Variants in RAI1 observed in about 807,000 individuals in gnomAD.
RAI1 encodes the protein retinoic acid-induced protein 1.
A neutral mutation model predicts 123.8 loss-of-function variants in RAI1; 9 were observed. That is an observed-to-expected ratio of 0.07 (90% CI 0.04 to 0.13). RAI1 has a LOEUF of 0.13. Ranked by LOEUF, RAI1 falls within the 10% of genes least tolerant of loss-of-function variation. RAI1 has a pLI of 1.00. For missense variants in RAI1, 2,256 were observed against 2,545.8 expected, an observed-to-expected ratio of 0.89 and a Z score of 2.45; for synonymous variants, 1,231 against 1,127.3, an observed-to-expected ratio of 1.09 and a Z score of -1.84.
At chr17:17,702,750 G>C (rs1915267054) in intron 1 of RAI1, among the ~76,000 whole-genome samples, 1 of 152,204 alleles carries the variant, frequency 6.6e-6, no homozygotes, top group Non-Finnish European at 1.5e-5. Context: ...TTGGTATCCA[G>C]TAGTTTATCA....
intron 2 of RAI1, among the ~76,000 whole-genome samples, chr17:17,756,472 C>G (rs548544768): frequency 1.3e-5 from 2 of 152,194 alleles, no homozygotes; most frequent in African/African-American, 4.8e-5. Context: ...GCTGGGATTA[C>G]AGGTGTGAGC....
intron 2 of RAI1, among the ~76,000 whole-genome samples, chr17:17,757,181 A>G (rs2030471751): frequency 6.6e-6 from 1 of 152,132 alleles, no homozygotes; most frequent in Non-Finnish European, 1.5e-5. Flanking sequence ...ACCCCAGTTT[A>G]TAAGTGGGGA....
rs754678029 is a variant in RAI1 at position 17,798,106 on chromosome 17, AAGG to A, written c.5161_5163del (p.Glu1721del). On this transcript the variant is annotated inframe_deletion, in exon 3 of 6. Transcript: ENST00000353383. ...CCTCCCCAAAAAGAAGCCAAAACTC[AAGG>A]AGAAGGTGCGGCCAGAAGGCACCTG... 6.2e-7 allele frequency: 1 copy of A among 1,613,898 alleles called. No homozygotes were observed. Among genetic ancestry groups the A allele is most frequent in the African/African-American group, 1.3e-5 (1 of 75,030 alleles).
rs572273520 is a variant in RAI1, at chr17:17,740,479, A to G, written c.-17+16320A>G. Among the ~76,000 whole-genome samples, 8 of 152,342 alleles carry G rather than the reference A, an allele frequency of 5.3e-5. No homozygotes were observed. The South Asian group carries it at 1.7e-3, about 32-fold the overall frequency. ...GTGGTTCATCTGCTCTGAGCCCTAA[A>G]GAGGACCAGGTGGGAAAGAGGCCTG... On this transcript the variant is annotated intron_variant, in intron 2 of 5. Coordinates refer to ENST00000353383, the MANE Select transcript of RAI1 (RefSeq NM_030665.4).
At chr17:17,684,036 G>A (rs929861857) in intron 1 of RAI1, 1 of 152,074 alleles carries the variant, frequency 6.6e-6, no homozygotes, top group Non-Finnish European at 1.5e-5. Flanking sequence ...ACCACACGTA[G>A]CTAATTTTAA....
intron 2 of RAI1, among the ~76,000 whole-genome samples, chr17:17,739,961 C>T (rs527600126): frequency 3.3e-5 from 5 of 152,346 alleles, no homozygotes; most frequent in South Asian, 2.1e-4. Flanking sequence ...TGACTCACCG[C>T]GTGGCAGCTC....
Position 17,809,901 on chromosome 17 carries a change from C to G in RAI1, c.5710-69C>G. ...CTGGGGCTTAGGCGGGGGGCCCACACTGGGGGCGGGGCCTATGGACTGTGA... is the reference window on the plus strand; with the variant it reads ...CTGGGGCTTAGGCGGGGGGCCCACAGTGGGGGCGGGGCCTATGGACTGTGA... On this transcript the variant is annotated intron_variant, in intron 5 of 5. Coordinates refer to ENST00000353383, the MANE Select transcript of RAI1 (RefSeq NM_030665.4). The surrounding 1 kb of genome is among the most constrained non-coding windows in gnomAD (Gnocchi z 4.9). 6.5e-7 allele frequency: 1 copy of G among 1,548,286 alleles called. No homozygotes were observed. Among genetic ancestry groups the G allele is most frequent in the East Asian group, 2.4e-5 (1 of 41,096 alleles).
At chr17:17,781,805 T>C (rs1247995246) in intron 2 of RAI1, among the ~76,000 whole-genome samples, 1 of 151,988 alleles carries the variant, frequency 6.6e-6, no homozygotes, top group African/African-American at 2.4e-5. Context: ...GGGAGGGAAC[T>C]GGAAATGGGG....
chr17:17,726,850 G>T (rs1425841734), intron 2 of RAI1, among the ~76,000 whole-genome samples: 1 of 152,076 alleles, frequency 6.6e-6, no homozygotes, highest in Admixed American at 6.5e-5. Flanking sequence ...TAAAGACTTT[G>T]TCGTCATTCT....
intron 1 of RAI1, among the ~76,000 whole-genome samples, chr17:17,710,403 G>T (rs1440082228): frequency 6.6e-6 from 1 of 152,296 alleles, no homozygotes; most frequent in African/African-American, 2.4e-5. Context: ...TTGCAGCTGC[G>T]GCCATGAGGA....
intron 2 of RAI1, among the ~76,000 whole-genome samples, chr17:17,780,521 C>A (rs1197296461): frequency 6.6e-6 from 1 of 152,214 alleles, no homozygotes; most frequent in Non-Finnish European, 1.5e-5. Context: ...CCCCTCAGGG[C>A]CTAGGACAGG....
chr17:17,688,738 T>C (rs911026331), intron 1 of RAI1, among the ~76,000 whole-genome samples: 4 of 151,890 alleles, frequency 2.6e-5, no homozygotes, highest in Non-Finnish European at 5.9e-5. Context: ...TAGCTGGGAC[T>C]ACAGGTGTGC....
chr17:17,784,636 C>T lies in RAI1; in HGVS notation c.-16-8297C>T, dbSNP rs117504482. Among the ~76,000 whole-genome samples, 874 of 152,270 alleles carry T rather than the reference C, an allele frequency of 5.7e-3. 3 individuals carry two copies. Among genetic ancestry groups the T allele is most frequent in the Middle Eastern group, 0.014 (4 of 294 alleles). ...CAGGAGAGGGGGGGTGTAGGCAGCA[C>T]CACGTAGAAGCAAGCCGGAGACCCC... is the stretch of plus-strand genomic sequence containing the variant. On this transcript the variant is annotated intron_variant, in intron 2 of 5. Coordinates refer to ENST00000353383, the MANE Select transcript of RAI1 (RefSeq NM_030665.4).
At position 17,810,077 on chromosome 17, in the gene RAI1, C is replaced by T; in HGVS notation, c.*96C>T. ...CCTGCGCAGCCCCCGGGCCTTTGAG[C>T]TGCTCCCAGCGCTGGTCCAGAGCCG... On this transcript the variant is annotated 3_prime_UTR_variant, in exon 6 of 6. Transcript: ENST00000353383. The surrounding 1 kb of genome is among the most constrained non-coding windows in gnomAD (Gnocchi z 4.6). 3 of 1,478,924 alleles carry T rather than the reference C, an allele frequency of 2.0e-6. No individual in the cohort carries two copies. Among genetic ancestry groups the T allele is most frequent in the Non-Finnish European group, 2.7e-6 (3 of 1,098,720 alleles). 91.6% of individuals were successfully genotyped at this position (1,478,924 alleles called of 1,614,324 possible). A position where few individuals can be genotyped will look rare whatever the true frequency, so the allele number is the denominator to read the frequency against.
intron 1 of RAI1, among the ~76,000 whole-genome samples, chr17:17,715,179 A>G (rs762142915): frequency 1.3e-4 from 20 of 152,112 alleles, no homozygotes; most frequent in African/African-American, 2.9e-4. Context: ...ATTTTTCCCA[A>G]TCCTCTCCTG....
chr17:17,749,984 G>T (rs958457736), intron 2 of RAI1, among the ~76,000 whole-genome samples: 11 of 152,234 alleles, frequency 7.2e-5, no homozygotes. Flanking sequence ...TTGTATTTCC[G>T]GAGGATGGTG....
intron 1 of RAI1, among the ~76,000 whole-genome samples, chr17:17,712,212 C>T (rs898789351): frequency 6.6e-6 from 1 of 152,230 alleles, no homozygotes; most frequent in Admixed American, 6.5e-5. Context: ...TGCCGGGGCT[C>T]TATCAGCGAA....
chr17:17,794,049 G>C lies in RAI1; in HGVS notation c.1101G>C (p.Leu367=). Residue 367 remains leucine, a synonymous_variant, in exon 3 of 6, where the codon CTG becomes CTC. Coordinates refer to ENST00000353383, the MANE Select transcript of RAI1 (RefSeq NM_030665.4). ...CACCGTCGCCGCTGATGCCAAACCT[G>C]GAGAACTTTCCCTACAGCCAGCAGC... ...SSTPSPLMPN[L]ENFPYSQQPL... is the part of the protein sequence containing the mutation. 6.2e-7 allele frequency: 1 copy of C among 1,613,962 alleles called. No individual in the cohort carries two copies. Among genetic ancestry groups the C allele is most frequent in the Non-Finnish European group, 8.5e-7 (1 of 1,180,028 alleles).
chr17:17,699,151 C>A (rs1915132532), intron 1 of RAI1, among the ~76,000 whole-genome samples: 1 of 152,224 alleles, frequency 6.6e-6, no homozygotes, highest in African/African-American at 2.4e-5. Flanking sequence ...CTCCTAGAGG[C>A]TGGTGGCTTC....
Sources: allele counts gnomAD v4.1 joint callset (sites outside exome capture counted in the v4.1 genomes callset), GRCh38; gene constraint gnomAD v4.1.1; non-coding constraint Gnocchi (gnomAD v3.1); transcripts MANE v1.5; gene names NCBI Gene and HGNC (gene_info 2026-07-23, HGNC 2026-07-21).